IL18R1: variants seen among roughly 807,000 people sequenced by gnomAD.
IL18R1 encodes interleukin 18 receptor 1, also known as interleukin-18 receptor 1.
A neutral mutation model predicts 48.5 loss-of-function variants in IL18R1; 40 were observed. The observed-to-expected ratio is 0.82, with a 90% CI of 0.64 to 1.07. IL18R1 has a LOEUF of 1.07. Among genes scored for constraint, IL18R1 ranks in the 50% least tolerant of loss-of-function variants. The pLI is 0.00. For missense variants in IL18R1, 596 were observed against 633.7 expected (o/e 0.94, Z 0.64); for synonymous variants, 232 against 225.9 (o/e 1.03, Z -0.24).
At chr2:102,380,505 C>G (rs1354310700) in intron 5 of IL18R1, among the ~76,000 whole-genome samples, 1 of 152,190 alleles carries the variant, frequency 6.6e-6, no homozygotes, top group Non-Finnish European at 1.5e-5. Flanking sequence ...CTGGATACAT[C>G]TCAGCTCCTC....
intron 5 of IL18R1, among the ~76,000 whole-genome samples, chr2:102,378,103 C>A (rs558640740): frequency 1.2e-4 from 19 of 152,368 alleles, no homozygotes; most frequent in African/African-American, 4.1e-4. Flanking sequence ...CTCTTTCCCA[C>A]CATCTTTGCT....
chr2:102,393,209 T>C (rs1348207297), intron 9 of IL18R1, among the ~76,000 whole-genome samples: 1 of 152,194 alleles, frequency 6.6e-6, no homozygotes, highest in East Asian at 1.9e-4. Context: ...GTGGAAGCAC[T>C]AGCTCTTACT....
intron 4 of IL18R1, among the ~76,000 whole-genome samples, chr2:102,372,925 GCT>G (rs1241259951): frequency 6.6e-6 from 1 of 152,096 alleles, no homozygotes; most frequent in East Asian, 1.9e-4. Context: ...TGGATCAGAG[GCT>G]GTGAGCATGT....
chr2:102,391,229 G>T (rs1680552110), intron 9 of IL18R1, among the ~76,000 whole-genome samples: 1 of 141,514 alleles, frequency 7.1e-6, no homozygotes, highest in Admixed American at 6.9e-5. Flanking sequence ...TTATACTTCA[G>T]TAGCCCCCCT....
intron 9 of IL18R1, among the ~76,000 whole-genome samples, chr2:102,394,126 A>T (rs1680694818): frequency 6.6e-6 from 1 of 152,004 alleles, no homozygotes; most frequent in Non-Finnish European, 1.5e-5. Flanking sequence ...GATATGAGTA[A>T]ACCAGGGTGA....
At chr2:102,375,734 A>G (rs1679538042) in intron 4 of IL18R1, among the ~76,000 whole-genome samples, 173 bp from the exon 5 acceptor site, 2 of 152,238 alleles carry the variant, frequency 1.3e-5, no homozygotes, top group Admixed American at 6.5e-5. Flanking sequence ...ATGGGATCGC[A>G]TTTAATTGTT....
intron 1 of IL18R1, among the ~76,000 whole-genome samples, chr2:102,360,029 G>A (rs897354108): frequency 2.6e-5 from 4 of 152,170 alleles, no homozygotes; most frequent in Non-Finnish European, 5.9e-5. Context: ...GTAGAATGGA[G>A]ATTCAAATCC....
At chr2:102,364,891 A>C (rs1239214419) in intron 2 of IL18R1, among the ~76,000 whole-genome samples, 1 of 152,090 alleles carries the variant, frequency 6.6e-6, no homozygotes, top group Non-Finnish European at 1.5e-5. Context: ...AAAACATCAG[A>C]TCTTATGAGA....
chr2:102,368,843 G>A (rs1679067793), intron 3 of IL18R1, among the ~76,000 whole-genome samples: 1 of 152,128 alleles, frequency 6.6e-6, no homozygotes, highest in African/African-American at 2.4e-5. Flanking sequence ...GTGATGGTGT[G>A]TAGATTTCAT....
At chr2:102,369,325 C>A (rs1417832164) in intron 3 of IL18R1, among the ~76,000 whole-genome samples, 4 of 152,202 alleles carry the variant, frequency 2.6e-5, no homozygotes, top group African/African-American at 4.8e-5. Context: ...ATAACAGAAG[C>A]AAATGGCATT....
At chr2:102,372,740 C>A (rs992773346) in intron 4 of IL18R1, among the ~76,000 whole-genome samples, 1 of 152,070 alleles carries the variant, frequency 6.6e-6, no homozygotes, top group African/African-American at 2.4e-5. Flanking sequence ...TTTTTATGTG[C>A]CTGGTTTCAT....
intron 2 of IL18R1, among the ~76,000 whole-genome samples, chr2:102,363,578 GA>G (rs1360825230): frequency 6.6e-6 from 1 of 152,126 alleles, no homozygotes; most frequent in Non-Finnish European, 1.5e-5. Context: ...CAAGGTACAG[GA>G]AAATGTGTCA....
intron 8 of IL18R1, among the ~76,000 whole-genome samples, chr2:102,389,602 A>G (rs1409375008): frequency 2.0e-5 from 3 of 152,214 alleles, no homozygotes; most frequent in Non-Finnish European, 2.9e-5. Context: ...GTTTAAGGGC[A>G]TTCACGATTT....
intron 9 of IL18R1, among the ~76,000 whole-genome samples, chr2:102,390,852 G>T (rs769080955): frequency 1.9e-4 from 29 of 149,902 alleles, no homozygotes; most frequent in Admixed American, 4.0e-4. Context: ...AGAATGGCGT[G>T]TGAACTCGGG....
In IL18R1 at chr2:102,397,227, G is replaced by T. The variant is rs1042783905; in HGVS notation, c.*341G>T. The stretch of plus-strand genomic sequence containing the variant: ...ATAACCGATGCCCTACAAAAAGGGC[G>T]CATCTTTAAGAGTTTTAATGCCAGT... On this transcript the variant is annotated 3_prime_UTR_variant, in exon 11 of 11. Coordinates refer to ENST00000233957, the MANE Select transcript of IL18R1 (RefSeq NM_003855.5). 2 of 209,146 alleles carry T rather than the reference G, an allele frequency of 9.6e-6. No individual in the cohort carries two copies. The highest frequency in any genetic ancestry group is 1.3e-4 in the South Asian group (1 of 7,544). The allele number at this position is 209,146 out of a possible 1,614,324, so 13.0% of individuals were successfully genotyped here.
chr2:102,391,037 G>A (rs1046825795), intron 9 of IL18R1, among the ~76,000 whole-genome samples: 1 of 151,148 alleles, frequency 6.6e-6, no homozygotes, highest in Non-Finnish European at 1.5e-5. Flanking sequence ...CTACTATGTC[G>A]ACCCGCTGGC....
chr2:102,387,051 A>G, intron 8 of IL18R1, 51 bp downstream of exon 8: 1 of 1,571,966 alleles, frequency 6.4e-7, no homozygotes. Context: ...ATTGCTACTG[A>G]GAGACATTTC....
intron 5 of IL18R1, among the ~76,000 whole-genome samples, chr2:102,378,776 ACT>A (rs1679742017): frequency 6.6e-6 from 1 of 152,152 alleles, no homozygotes; most frequent in African/African-American, 2.4e-5. Flanking sequence ...GACAGAAACA[ACT>A]CCTTTGATGC....
chr2:102,374,819 T>C (rs1356779214), intron 4 of IL18R1, among the ~76,000 whole-genome samples: 1 of 151,856 alleles, frequency 6.6e-6, no homozygotes, highest in Non-Finnish European at 1.5e-5. Context: ...CTATTTAAAT[T>C]ATGAGCATTG....
Sources: gnomAD v4.1 joint callset for allele counts (sites outside exome capture counted in the v4.1 genomes callset) on GRCh38, gnomAD v4.1.1 for gene constraint, MANE v1.5 for transcripts, NCBI Gene and HGNC (gene_info 2026-07-23, HGNC 2026-07-21) for gene names.